FBXL20: variants seen among roughly 807,000 people sequenced by gnomAD.
FBXL20 encodes the protein F-box and leucine rich repeat protein 20.
Under a neutral mutation model 64.0 loss-of-function variants are expected in FBXL20, and 11 were observed. That is an observed-to-expected ratio of 0.17 (90% confidence interval 0.11 to 0.28). FBXL20 has a LOEUF of 0.28. Ranked by LOEUF, FBXL20 falls within the 10% of genes least tolerant of loss-of-function variation. The pLI, the probability that FBXL20 is intolerant of heterozygous loss-of-function variation, is 1.00. For missense variants in FBXL20, 303 were observed against 526.2 expected (o/e 0.58, Z 4.15); for synonymous variants, 184 against 189.0 (o/e 0.97, Z 0.22).
intron 1 of FBXL20, among the ~76,000 whole-genome samples, chr17:39,392,071 A>G (rs1373958047): frequency 6.6e-6 from 1 of 152,164 alleles, no homozygotes; most frequent in African/African-American, 2.4e-5. Context: ...CAGGAGGTGG[A>G]GGCTACAGTG....
At chr17:39,352,824 T>C (rs2047700501) in intron 1 of FBXL20, among the ~76,000 whole-genome samples, 2 of 152,162 alleles carry the variant, frequency 1.3e-5, no homozygotes, top group South Asian at 4.1e-4. Context: ...TTATAGATTA[T>C]ATACAGAATT....
At chr17:39,371,220 G>A (rs1052753055) in intron 1 of FBXL20, among the ~76,000 whole-genome samples, 1 of 151,918 alleles carries the variant, frequency 6.6e-6, no homozygotes, top group Non-Finnish European at 1.5e-5. Flanking sequence ...AAAAAGAAGG[G>A]TTTTGTCATG....
rs565612224 is a variant in FBXL20, at chr17:39,343,311, T to A, written c.43-70A>T. The A allele has an allele frequency of 2.5e-5, 27 of 1,090,618 alleles. No individual in the cohort carries two copies. In the South Asian group the frequency reaches 3.7e-4, roughly 15 times the overall value. 67.6% of individuals were successfully genotyped at this position (1,090,618 alleles called of 1,614,324 possible). On this transcript the variant is annotated intron_variant, in intron 1 of 14. Coordinates refer to ENST00000264658, the MANE Select transcript of FBXL20 (RefSeq NM_032875.3). ...TTACAGAATGTTCAACTCAATAGTT[T>A]AGAGGCAATTCTCTCAGGAAAGAGG... is the stretch of plus-strand genomic sequence containing the variant.
chr17:39,301,411 C>T (rs1225989230), intron 3 of FBXL20, among the ~76,000 whole-genome samples: 1 of 152,018 alleles, frequency 6.6e-6, no homozygotes, highest in East Asian at 1.9e-4. Context: ...GGCAATATAG[C>T]CAGACCCGAT....
rs2046736314 is a variant in FBXL20 at position 39,260,560 on chromosome 17, A to G, written c.*900T>C. The G allele has an allele frequency of 6.6e-6, 1 of 152,386 alleles. No individual in the cohort carries two copies. Among genetic ancestry groups the G allele is most frequent in the Non-Finnish European group, 1.5e-5 (1 of 68,050 alleles). The allele number at this position is 152,386 out of a possible 1,614,324, so 9.4% of individuals were successfully genotyped here. On this transcript the variant is annotated 3_prime_UTR_variant, in exon 15 of 15. Coordinates refer to ENST00000264658, the MANE Select transcript of FBXL20 (RefSeq NM_032875.3). ...CATTAGAGTTTCCTTGCAGGTTGGCAAAGATTCAGGCAGGGTCCCCTAATG... is the reference window on the plus strand; with the variant it reads ...CATTAGAGTTTCCTTGCAGGTTGGCGAAGATTCAGGCAGGGTCCCCTAATG...
At position 39,285,002 on chromosome 17, in the gene FBXL20, C is replaced by T. The variant is rs1302912892; in HGVS notation, c.494+476G>A. On this transcript the variant is annotated intron_variant, in intron 7 of 14. Coordinates refer to ENST00000264658, the MANE Select transcript of FBXL20 (RefSeq NM_032875.3). ...CAGCACACTGGAGTGCAATGGTGTG[C>T]TCTTGGCTTACCGCAACCTCTGCCT... is the stretch of plus-strand genomic sequence containing the variant. Among the ~76,000 whole-genome samples the T allele has an allele frequency of 2.6e-5, 4 of 151,762 alleles. No homozygotes were observed. In the East Asian group the frequency reaches 7.8e-4, roughly 29 times the overall value.
chr17:39,334,267 G>A (rs2047497544), intron 2 of FBXL20, among the ~76,000 whole-genome samples: 1 of 152,046 alleles, frequency 6.6e-6, no homozygotes, highest in African/African-American at 2.4e-5. Flanking sequence ...GATGCTTGAA[G>A]GCAGCATGCT....
At chr17:39,320,690 G>A (rs1388685711) in intron 2 of FBXL20, among the ~76,000 whole-genome samples, 1 of 151,548 alleles carries the variant, frequency 6.6e-6, no homozygotes, top group Admixed American at 6.6e-5. Context: ...CGCCTCCCAG[G>A]CTCAAGCGAT....
At chr17:39,401,675 A>C, upstream of FBXL20, 2 of 1,183,964 alleles carry the variant, frequency 1.7e-6, no homozygotes, top group Non-Finnish European at 2.1e-6. Flanking sequence ...CCTGCCAGCA[A>C]CGCCGCTGCT....
At chr17:39,306,449 C>T (rs1473020200) in intron 2 of FBXL20, among the ~76,000 whole-genome samples, 2 of 152,052 alleles carry the variant, frequency 1.3e-5, no homozygotes, top group Non-Finnish European at 2.9e-5. Flanking sequence ...TGTTTTCTTC[C>T]AAAGATTTTA....
chr17:39,401,417 C>T lies in FBXL20; in HGVS notation c.-15G>A. On this transcript the variant is annotated 5_prime_UTR_variant, in exon 1 of 15. Transcript: ENST00000264658. ...TCCCTCCTCATGGGGCCGGCGGGTG[C>T]GGCCCGGGCCGGGCGCTGCGGCGAG... The T allele has an allele frequency of 3.8e-6, 6 of 1,589,168 alleles. No homozygotes were observed. Among genetic ancestry groups the T allele is most frequent in the Non-Finnish European group, 5.1e-6 (6 of 1,169,406 alleles).
chr17:39,392,081 G>A (rs191042654), intron 1 of FBXL20, among the ~76,000 whole-genome samples: 66 of 152,238 alleles, frequency 4.3e-4, no homozygotes, highest in African/African-American at 1.5e-3. Flanking sequence ...AGGCTACAGT[G>A]AGTCGAGATC....
At position 39,326,238 on chromosome 17, in the gene FBXL20, G is replaced by A. The variant is rs545250345; in HGVS notation, c.104+16942C>T. On this transcript the variant is annotated intron_variant, in intron 2 of 14. Transcript: ENST00000264658. ...ACCTCTTTTCTTTATAAATTACCCA[G>A]TCTCAGGTATTTAATTATGGCAATG... 1.1e-3 allele frequency among the ~76,000 whole-genome samples: 169 copies of A among 151,762 alleles called. 4 individuals are homozygous for A. In the South Asian group the frequency reaches 0.034, roughly 30 times the overall value.
At chr17:39,287,689 T>C (rs2047001012) in intron 6 of FBXL20, among the ~76,000 whole-genome samples, 1 of 151,980 alleles carries the variant, frequency 6.6e-6, no homozygotes, top group Admixed American at 6.6e-5. Context: ...ACAAGCATGA[T>C]CCACCACACC....
intron 1 of FBXL20, among the ~76,000 whole-genome samples, chr17:39,371,651 T>C (rs1272887466): frequency 1.3e-5 from 2 of 151,916 alleles, no homozygotes; most frequent in Non-Finnish European, 2.9e-5. Context: ...TTCTTTTTGT[T>C]GTTTACTTTT....
At position 39,257,547 on chromosome 17, in the gene FBXL20, C is replaced by T. The variant is rs552999749; in HGVS notation, c.*3913G>A. ...AAGAAAACATTTTTTACACAAAGCA[C>T]AATATGCTTTCATATTCCAAATATT... On this transcript the variant is annotated 3_prime_UTR_variant, in exon 15 of 15. Transcript: ENST00000264658. 1 of 152,252 alleles carries T rather than the reference C, an allele frequency of 6.6e-6. No individual in the cohort carries two copies. The highest frequency in any genetic ancestry group is 1.5e-5 in the Non-Finnish European group (1 of 68,040). The allele number at this position is 152,252 out of a possible 1,614,324, so 9.4% of individuals were successfully genotyped here.
intron 10 of FBXL20, among the ~76,000 whole-genome samples, chr17:39,273,962 C>G (rs2046869102): frequency 6.6e-6 from 1 of 152,060 alleles, no homozygotes; most frequent in Non-Finnish European, 1.5e-5. Flanking sequence ...CTGTCTTGAC[C>G]TCCTGGGCTC....
intron 1 of FBXL20, among the ~76,000 whole-genome samples, chr17:39,371,259 G>C (rs1050834067): frequency 6.6e-6 from 1 of 152,052 alleles, no homozygotes; most frequent in African/African-American, 2.4e-5. Flanking sequence ...TCTGCCATCA[G>C]CCATAAAAAA....
chr17:39,381,244 G>C (rs756452728), intron 1 of FBXL20, among the ~76,000 whole-genome samples: 110 of 151,832 alleles, frequency 7.2e-4, no homozygotes, highest in Non-Finnish European at 1.3e-3. Context: ...GGGAGGCTGA[G>C]GCAAGAAGAC....
Sources: gnomAD v4.1 joint callset for allele counts (sites outside exome capture counted in the v4.1 genomes callset) on GRCh38, gnomAD v4.1.1 for gene constraint, MANE v1.5 for transcripts, NCBI Gene and HGNC (gene_info 2026-07-23, HGNC 2026-07-21) for gene names.